The following ARMC10 variants were observed in gnomAD, a reference collection of about 807,000 sequenced individuals.
ARMC10 encodes armadillo repeat-containing protein 10.
ARMC10 carries 23 observed loss-of-function variants against 30.2 expected under a neutral mutation model. That is an observed-to-expected ratio of 0.76 (90% CI 0.55 to 1.08). The LOEUF is 1.08. Ranked by LOEUF, ARMC10 falls within the 50% of genes least tolerant of loss-of-function variation. The pLI, the probability that ARMC10 is intolerant of heterozygous loss-of-function variation, is 0.00. For synonymous variants in ARMC10, 111 were observed against 164.4 expected, an observed-to-expected ratio of 0.68 and a Z score of 2.48; for missense variants, 303 against 413.7, an observed-to-expected ratio of 0.73 and a Z score of 2.32.
chr7:103,081,407 T>C (rs1800367592), intron 2 of ARMC10, among the ~76,000 whole-genome samples: 1 of 152,266 alleles, frequency 6.6e-6, no homozygotes. Flanking sequence ...GTTTCATTAC[T>C]GTCACGCAAG....
chr7:103,086,056 T>C (rs1800822613), intron 3 of ARMC10, among the ~76,000 whole-genome samples: 1 of 152,194 alleles, frequency 6.6e-6, no homozygotes, highest in South Asian at 2.1e-4. Context: ...CTCTTCAAGA[T>C]TCCCAATGCA....
intron 4 of ARMC10, among the ~76,000 whole-genome samples, chr7:103,090,745 T>A (rs866035670): frequency 0.012 from 1,402 of 115,124 alleles, 26 homozygotes; most frequent in African/African-American, 0.052. Flanking sequence ...AAAAAAAAAA[T>A]TTATTAGCTG....
intron 2 of ARMC10, among the ~76,000 whole-genome samples, chr7:103,081,281 C>T (rs1800354232): frequency 1.3e-5 from 2 of 152,332 alleles, no homozygotes; most frequent in South Asian, 4.1e-4. Flanking sequence ...TGTGATACAA[C>T]ACCGTGAAAT....
In ARMC10 at chr7:103,098,330, G is replaced by A. The variant is rs1209738342; in HGVS notation, c.809G>A (p.Ser270Asn). 6.2e-7 allele frequency: 1 copy of A among 1,608,118 alleles called. No homozygotes were observed. The highest frequency in any genetic ancestry group is 1.1e-5 in the South Asian group (1 of 89,720). The change falls in exon 7 of 7, where the codon AGC (serine) becomes AAC (asparagine). Residue 270 changes from serine to asparagine, a missense_variant. Transcript: ENST00000323716. ...TCATCATTCCTTTCCCTTTATGACA[G>A]CCACGTAGCAAAGGAGATTCTTCTT... ...VDSSFLSLYD[S>N]HVAKEILLRV...
chr7:103,076,153 A>C (rs1459773102), intron 2 of ARMC10, among the ~76,000 whole-genome samples: 1 of 152,248 alleles, frequency 6.6e-6, no homozygotes, highest in Non-Finnish European at 1.5e-5. Context: ...CAATTTGCTA[A>C]TGGGATAGCA....
At chr7:103,079,743 A>G (rs551427529) in intron 2 of ARMC10, among the ~76,000 whole-genome samples, 3 of 152,376 alleles carry the variant, frequency 2.0e-5, no homozygotes, top group African/African-American at 7.2e-5. Flanking sequence ...TAACAATTCA[A>G]AATTTTAATT....
At chr7:103,083,017 A>G in intron 2 of ARMC10, 1 of 456,358 alleles carries the variant, frequency 2.2e-6, no homozygotes, top group South Asian at 1.6e-5. Context: ...ATGTGCTCAG[A>G]AAAGATCTGC....
intron 2 of ARMC10, among the ~76,000 whole-genome samples, chr7:103,082,369 A>G (rs1041662843): frequency 6.8e-6 from 1 of 146,800 alleles, no homozygotes; most frequent in African/African-American, 2.6e-5. Flanking sequence ...CAATATACTT[A>G]GTTATTTTAG....
At chr7:103,083,643 G>T in intron 2 of ARMC10, 39 bp from the exon 3 acceptor site, 1 of 1,571,030 alleles carries the variant, frequency 6.4e-7, no homozygotes, top group South Asian at 1.1e-5. Context: ...ACCTCGTATT[G>T]ATTTTAGCTT....
chr7:103,076,172 T>C (rs1400000573), intron 2 of ARMC10, among the ~76,000 whole-genome samples: 2 of 152,188 alleles, frequency 1.3e-5, no homozygotes, highest in Non-Finnish European at 2.9e-5. Context: ...CAGGAAGAAT[T>C]CTAATTCCTT....
At chr7:103,093,631 T>C (rs1050623913) in intron 5 of ARMC10, among the ~76,000 whole-genome samples, 33 of 151,992 alleles carry the variant, frequency 2.2e-4, no homozygotes, top group African/African-American at 7.5e-4. Flanking sequence ...CTGTCTCCAG[T>C]GGAACAAGAT....
chr7:103,088,563 A>G (rs1704371737), intron 4 of ARMC10: 1 of 154,664 alleles, frequency 6.5e-6, no homozygotes, highest in African/African-American at 2.4e-5. Flanking sequence ...CTTTTTTCCC[A>G]TAAGAAACTC....
chr7:103,084,189 T>G, intron 3 of ARMC10: 1 of 448,682 alleles, frequency 2.2e-6, no homozygotes, highest in Non-Finnish European at 3.7e-6. Context: ...ATATCGGTCT[T>G]ATGAATATGA....
intron 4 of ARMC10, 152 bp from the exon 5 acceptor site, chr7:103,092,325 C>T (rs4729874): frequency 0.94 from 340,174 of 360,450 alleles, 164,005 homozygotes; most frequent in East Asian, 1. Flanking sequence ...AGCGAGACTC[C>T]GTCTCAAAAA....
chr7:103,076,403 TCA>T (rs1799828265), intron 2 of ARMC10, among the ~76,000 whole-genome samples: 1 of 152,170 alleles, frequency 6.6e-6, no homozygotes, highest in African/African-American at 2.4e-5. Context: ...GGCTAAAAAC[TCA>T]CAGAGTTGGG....
intron 3 of ARMC10, chr7:103,084,049 C>A: frequency 1.3e-6 from 2 of 1,500,090 alleles, no homozygotes; most frequent in Non-Finnish European, 1.8e-6. Flanking sequence ...AAGTTGGTCA[C>A]TGGCATCACA....
intron 4 of ARMC10, chr7:103,087,918 T>C (rs1800996955): frequency 3.3e-6 from 1 of 307,680 alleles, no homozygotes; most frequent in South Asian, 1.3e-4. Context: ...ATCAAATTGG[T>C]GAGCTTATTA....
At chr7:103,084,163 A>T in intron 3 of ARMC10, 1 of 621,990 alleles carries the variant, frequency 1.6e-6, no homozygotes, top group Non-Finnish European at 2.4e-6. Context: ...ACATTTAAGT[A>T]CATACTTTAA....
chr7:103,091,245 A>G (rs1563327387), intron 4 of ARMC10, among the ~76,000 whole-genome samples: 1 of 152,136 alleles, frequency 6.6e-6, no homozygotes, highest in African/African-American at 2.4e-5. Context: ...CCTGGGCAAC[A>G]TGGTGAAACC....
Sources: allele counts gnomAD v4.1 joint callset (sites outside exome capture counted in the v4.1 genomes callset), GRCh38; gene constraint gnomAD v4.1.1; transcripts MANE v1.5; gene names NCBI Gene and HGNC (gene_info 2026-07-23, HGNC 2026-07-21).